COL11A1: variants seen among roughly 807,000 people sequenced by gnomAD.
COL11A1 encodes the protein collagen type XI alpha 1 chain, also known as collagen alpha-1(XI) chain.
In COL11A1, 74 loss-of-function variants were observed where a neutral mutation model predicts 265.2. The observed-to-expected ratio is 0.28, with a 90% CI of 0.23 to 0.34. COL11A1 has a LOEUF of 0.34. Ranked by LOEUF, COL11A1 falls within the 10% of genes least tolerant of loss-of-function variation. The pLI, the probability that COL11A1 is intolerant of heterozygous loss-of-function variation, is 1.00. For synonymous variants in COL11A1, 816 were observed against 727.6 expected, an observed-to-expected ratio of 1.12 and a Z score of -1.96; for missense variants, 2,165 against 2,263.6, an observed-to-expected ratio of 0.96 and a Z score of 0.88.
rs1661042691 is a variant in COL11A1, at chr1:102,962,754, T to C, written c.2923A>G (p.Thr975Ala). Residue 975 changes from threonine to alanine, a missense_variant, in exon 39 of 67, where the codon ACC (threonine) becomes GCC (alanine). Coordinates refer to ENST00000370096, the MANE Select transcript of COL11A1 (RefSeq NM_001854.4). Reference sequence around the variant, plus strand: ...TCCCCTATTGGACCAGTCTCACCGGTTGGTCCCTAAATTAGATAAGCAAAA... The same window carrying C: ...TCCCCTATTGGACCAGTCTCACCGGCTGGTCCCTAAATTAGATAAGCAAAA... Reference protein sequence around the residue: ...PGGVVGPQGPTGETGPIGERG... With the variant: ...PGGVVGPQGPAGETGPIGERG... The C allele has an allele frequency of 6.2e-7, 1 of 1,613,946 alleles. No individual in the cohort carries two copies. The highest frequency in any genetic ancestry group is 8.5e-7 in the Non-Finnish European group (1 of 1,179,842).
chr1:102,937,443 T>A (rs1029963769), intron 44 of COL11A1, among the ~76,000 whole-genome samples: 5 of 152,206 alleles, frequency 3.3e-5, no homozygotes, highest in Admixed American at 6.5e-5. Flanking sequence ...TTGGATATGG[T>A]TTGTCCCCAC....
intron 36 of COL11A1, among the ~76,000 whole-genome samples, chr1:102,973,001 A>G (rs537204997): frequency 2.6e-5 from 4 of 152,108 alleles, no homozygotes; most frequent in African/African-American, 4.8e-5. Context: ...TCATATATAT[A>G]TAAAATTTTT....
At chr1:102,904,349 G>A (rs542572660) in intron 54 of COL11A1, among the ~76,000 whole-genome samples, 1 of 152,050 alleles carries the variant, frequency 6.6e-6, no homozygotes, top group Admixed American at 6.6e-5. Flanking sequence ...AAAAGCAATG[G>A]CAACAAAAGC....
Position 103,015,638 on chromosome 1 carries a change from G to C in COL11A1, c.1488+30C>G, listed in dbSNP as rs749833018. 45 of 1,500,076 alleles carry C rather than the reference G, an allele frequency of 3.0e-5. 1 individual carries two copies. In the East Asian group the frequency reaches 8.5e-4, roughly 28 times the overall value. The allele number at this position is 1,500,076 out of a possible 1,614,324, so 92.9% of individuals were successfully genotyped here. On this transcript the variant is annotated intron_variant, in intron 12 of 66. Coordinates refer to ENST00000370096, the MANE Select transcript of COL11A1 (RefSeq NM_001854.4). ...CAGAAAAAAGATGACAAGATATCAA[G>C]TCATCTCTATAACATAAAAAAGAAC...
intron 4 of COL11A1, among the ~76,000 whole-genome samples, chr1:103,032,417 C>T (rs977627994): frequency 3.3e-5 from 5 of 151,946 alleles, no homozygotes; most frequent in Non-Finnish European, 7.4e-5. Flanking sequence ...GTATTATACA[C>T]AAAATATTGA....
chr1:102,972,463 G>A (rs1454741583), intron 36 of COL11A1, among the ~76,000 whole-genome samples: 2 of 152,016 alleles, frequency 1.3e-5, no homozygotes, highest in Non-Finnish European at 2.9e-5. Context: ...AGGGAGTAGT[G>A]TTAATATACT....
At chr1:102,947,346 C>A (rs570433777) in intron 41 of COL11A1, among the ~76,000 whole-genome samples, 32 of 152,168 alleles carry the variant, frequency 2.1e-4, no homozygotes, top group African/African-American at 7.7e-4. Context: ...AATACAATCC[C>A]TAAACTAGTG....
At chr1:102,982,533 CAG>C (rs1301761357) in intron 31 of COL11A1, among the ~76,000 whole-genome samples, 22 of 152,012 alleles carry the variant, frequency 1.4e-4, no homozygotes, top group Non-Finnish European at 2.5e-4. Flanking sequence ...AACTGGGAGA[CAG>C]AGCAGTATAT....
chr1:103,089,371 G>T (rs1673124395), intron 1 of COL11A1, among the ~76,000 whole-genome samples: 1 of 152,078 alleles, frequency 6.6e-6, no homozygotes, highest in Non-Finnish European at 1.5e-5. Flanking sequence ...CCAGTGTCTT[G>T]TATTTCCCCT....
chr1:102,986,802 T>C (rs72985783), intron 30 of COL11A1, among the ~76,000 whole-genome samples: 3,127 of 152,220 alleles, frequency 0.021, 102 homozygotes, highest in African/African-American at 0.071. Context: ...TGCAAATCTT[T>C]TTGACGCAAC....
chr1:102,941,827 C>T (rs571111158), intron 42 of COL11A1, among the ~76,000 whole-genome samples: 3 of 152,126 alleles, frequency 2.0e-5, no homozygotes, highest in Non-Finnish European at 4.4e-5. Flanking sequence ...TGCATATTAT[C>T]AAATTGCCCT....
At chr1:102,887,150 T>G in intron 62 of COL11A1, 94 bp from the exon 63 acceptor site, 2 of 1,534,358 alleles carry the variant, frequency 1.3e-6, no homozygotes, top group African/African-American at 1.4e-5. Context: ...TATAAGAAAT[T>G]AGAGTTGGTT....
At position 102,905,843 on chromosome 1, in the gene COL11A1, CT is replaced by C. The variant is rs1653913966; in HGVS notation, c.4086+6315del. Among the ~76,000 whole-genome samples, 3 of 152,114 alleles carry C rather than the reference CT, an allele frequency of 2.0e-5. No homozygotes were observed. In the South Asian group the frequency reaches 6.2e-4, roughly 32 times the overall value. On this transcript the variant is annotated intron_variant, in intron 54 of 66. Transcript: ENST00000370096. ...GTGCAGTTAATTAATATTCTATATC[CT>C]TTTTGTATGTGTATCACCCAGTTAG...
rs958389645 is a variant in COL11A1, at chr1:102,967,487, G to A, written c.2863-1947C>T. Among the ~76,000 whole-genome samples the A allele has an allele frequency of 2.6e-5, 4 of 151,988 alleles. No individual in the cohort carries two copies. The East Asian group carries it at 5.8e-4, about 22-fold the overall frequency. ...GATCTCCTGACTTCGTGATCCGCCC[G>A]CCTCGGCCTCCCAAAGTGCTGGGAT... On this transcript the variant is annotated intron_variant, in intron 37 of 66. Transcript: ENST00000370096.
At chr1:102,918,587 AAAAAC>A (rs1410597467) in intron 49 of COL11A1, among the ~76,000 whole-genome samples, 5 of 72,288 alleles carry the variant, frequency 6.9e-5, no homozygotes, top group Non-Finnish European at 1.7e-4. Context: ...AACAACAACA[AAAAAC>A]AAACAAACAA....
At chr1:103,062,624 T>G (rs1359117601) in intron 4 of COL11A1, among the ~76,000 whole-genome samples, 1 of 152,010 alleles carries the variant, frequency 6.6e-6, no homozygotes, top group Non-Finnish European at 1.5e-5. Context: ...ACAGCATTCA[T>G]TCATGATTTT....
intron 54 of COL11A1, among the ~76,000 whole-genome samples, chr1:102,905,717 T>G (rs985251719): frequency 6.6e-6 from 1 of 152,146 alleles, no homozygotes; most frequent in Non-Finnish European, 1.5e-5. Flanking sequence ...AGGAAATTCT[T>G]TACCATATAT....
Position 102,914,851 on chromosome 1 carries a change from G to T in COL11A1, c.3817-40C>A, listed in dbSNP as rs372732988. The stretch of plus-strand genomic sequence containing the variant: ...AAAAAAAAAAAGAAGAAGAAGGAAA[G>T]AAGAGTTATCTTACAAGTTTTGCAT... On this transcript the variant is annotated intron_variant, in intron 50 of 66. Transcript: ENST00000370096. 25 of 1,475,110 alleles carry T rather than the reference G, an allele frequency of 1.7e-5. No individual in the cohort carries two copies. In the African/African-American group the frequency reaches 2.5e-4, roughly 15 times the overall value. 91.4% of individuals were successfully genotyped at this position (1,475,110 alleles called of 1,614,324 possible).
intron 53 of COL11A1, among the ~76,000 whole-genome samples, chr1:102,912,459 C>T (rs1000397106): frequency 6.6e-6 from 1 of 152,130 alleles, no homozygotes; most frequent in Non-Finnish European, 1.5e-5. Context: ...TTATTTAAAA[C>T]TGTGTCCTAT....
Sources: allele counts gnomAD v4.1 joint callset (sites outside exome capture counted in the v4.1 genomes callset), GRCh38; gene constraint gnomAD v4.1.1; transcripts MANE v1.5; gene names NCBI Gene and HGNC (gene_info 2026-07-23, HGNC 2026-07-21).